The following AVL9 variants were observed in gnomAD, a reference collection of about 807,000 sequenced individuals.
AVL9 encodes AVL9 cell migration associated, also known as late secretory pathway protein AVL9 homolog.
A neutral mutation model predicts 79.2 loss-of-function variants in AVL9; 49 were observed. That is an observed-to-expected ratio of 0.62 (90% CI 0.49 to 0.79). AVL9 has a LOEUF of 0.79. Among genes scored for constraint, AVL9 ranks in the 30% least tolerant of loss-of-function variants. AVL9 has a pLI of 0.00. For missense variants in AVL9, 682 were observed against 776.8 expected (o/e 0.88, Z 1.45); for synonymous variants, 299 against 280.6 (o/e 1.07, Z -0.65).
intron 3 of AVL9, among the ~76,000 whole-genome samples, chr7:32,548,151 C>CTTTTGTTTTCTTTTTTTTTTTT (rs71559236): frequency 5.3e-5 from 7 of 131,596 alleles, no homozygotes; most frequent in African/African-American, 1.8e-4. Flanking sequence ...TCTCTTTTTT[C>CTTTTGTTTTCTTTTTTTTTTTT]TTTTTTTTTT....
intron 1 of AVL9, among the ~76,000 whole-genome samples, chr7:32,539,731 A>G (rs1405113126): frequency 1.3e-5 from 2 of 152,326 alleles, no homozygotes; most frequent in East Asian, 3.9e-4. Context: ...GAATTCCGAA[A>G]TGGGTTTCAC....
At chr7:32,574,156 A>C (rs1037262505) in intron 12 of AVL9, among the ~76,000 whole-genome samples, 1 of 152,132 alleles carries the variant, frequency 6.6e-6, no homozygotes, top group Non-Finnish European at 1.5e-5. Context: ...CATAGCATAA[A>C]ATTTACCATC....
rs1583619528 is a variant in AVL9 at position 32,584,243 on chromosome 7, T to A, written c.*336T>A. 1 of 270,046 alleles carries A rather than the reference T, an allele frequency of 3.7e-6. No individual in the cohort carries two copies. Among genetic ancestry groups the A allele is most frequent in the South Asian group, 5.0e-5 (1 of 19,902 alleles). 16.7% of individuals were successfully genotyped at this position (270,046 alleles called of 1,614,324 possible). A position where few individuals can be genotyped will look rare whatever the true frequency, so the allele number is the denominator to read the frequency against. On this transcript the variant is annotated 3_prime_UTR_variant, in exon 16 of 16. Transcript: ENST00000318709. ...TTTACTTATGTAAATTTTGTTCTGT[T>A]TTGGTGTTTGAATATCTAGATGGTC...
chr7:32,553,624 T>A (rs1442601732), intron 6 of AVL9, 103 bp from the exon 7 acceptor site: 3 of 105,632 alleles, frequency 2.8e-5, no homozygotes. Flanking sequence ...TATTCCTACT[T>A]TTTTTTTTTT....
intron 1 of AVL9, among the ~76,000 whole-genome samples, chr7:32,497,255 T>G (rs891568275): frequency 6.6e-6 from 1 of 152,202 alleles, no homozygotes; most frequent in African/African-American, 2.4e-5. Context: ...CTTGGGAGGC[T>G]GAGGCACGAG....
Position 32,580,205 on chromosome 7 carries a change from A to C in AVL9, c.1689-14A>C. ...GTAAAATACTGATAGTTTAAACTCAAACTTTTTTTACAGCCATCCATTTCA... is the reference window on the plus strand; with the variant it reads ...GTAAAATACTGATAGTTTAAACTCACACTTTTTTTACAGCCATCCATTTCA... On this transcript the variant is annotated splice_polypyrimidine_tract_variant and intron_variant, in intron 13 of 15. Transcript: ENST00000318709. 2 of 1,608,196 alleles carry C rather than the reference A, an allele frequency of 1.2e-6. No homozygotes were observed. The highest frequency in any genetic ancestry group is 2.2e-5 in the South Asian group (2 of 90,090).
At chr7:32,527,191 G>A (rs1030337529) in intron 1 of AVL9, among the ~76,000 whole-genome samples, 1 of 152,104 alleles carries the variant, frequency 6.6e-6, no homozygotes, top group East Asian at 1.9e-4. Context: ...GAGCTATTGT[G>A]TGGCACCTTT....
intron 1 of AVL9, among the ~76,000 whole-genome samples, chr7:32,528,290 A>G (rs965183557): frequency 1.3e-5 from 2 of 152,208 alleles, no homozygotes; most frequent in Non-Finnish European, 2.9e-5. Flanking sequence ...TAAAATGTAT[A>G]AAAGCAAGCT....
chr7:32,502,277 A>G (rs1787159950), intron 1 of AVL9, among the ~76,000 whole-genome samples: 1 of 151,582 alleles, frequency 6.6e-6, no homozygotes, highest in Admixed American at 6.6e-5. Context: ...GTGTGAGTGC[A>G]CTGGTCACAA....
intron 1 of AVL9, chr7:32,533,441 A>C (rs921842536): frequency 2.0e-5 from 3 of 152,230 alleles, no homozygotes; most frequent in Non-Finnish European, 2.9e-5. Flanking sequence ...GAGGTATAGG[A>C]GTGTAAAGCG....
intron 1 of AVL9, among the ~76,000 whole-genome samples, chr7:32,522,715 G>A (rs951154924): frequency 6.6e-6 from 1 of 152,112 alleles, no homozygotes; most frequent in African/African-American, 2.4e-5. Flanking sequence ...ATGAAATTTG[G>A]AGGGCGCAGG....
chr7:32,520,676 C>G (rs1760659936), intron 1 of AVL9, among the ~76,000 whole-genome samples: 1 of 152,158 alleles, frequency 6.6e-6, no homozygotes, highest in Non-Finnish European at 1.5e-5. Context: ...ATGCCTATAA[C>G]CCAGGTCATG....
chr7:32,527,062 C>T (rs971909382), intron 1 of AVL9, among the ~76,000 whole-genome samples: 2 of 152,130 alleles, frequency 1.3e-5, no homozygotes, highest in East Asian at 1.9e-4. Context: ...GAGAAGTGGG[C>T]GTGTGAGATT....
In AVL9 at chr7:32,583,920, AG is replaced by A. The variant is rs754619876; in HGVS notation, c.*15del. On this transcript the variant is annotated 3_prime_UTR_variant, in exon 16 of 16. Coordinates refer to ENST00000318709, the MANE Select transcript of AVL9 (RefSeq NM_015060.3). Reference sequence around the variant, plus strand: ...TGAGAAGCCTTGAGCAAGGCGTCAGAGGCTGCTATTGCTTTCTGAGGTTTAA... The same window carrying A: ...TGAGAAGCCTTGAGCAAGGCGTCAGAGCTGCTATTGCTTTCTGAGGTTTAA... 25 of 1,590,600 alleles carry A rather than the reference AG, an allele frequency of 1.6e-5. No homozygotes were observed. Among genetic ancestry groups the A allele is most frequent in the Admixed American group, 5.0e-5 (3 of 59,962 alleles).
At chr7:32,576,299 G>A (rs1279492563) in intron 13 of AVL9, among the ~76,000 whole-genome samples, 2 of 152,256 alleles carry the variant, frequency 1.3e-5, no homozygotes, top group Non-Finnish European at 2.9e-5. Flanking sequence ...CATTTCCCTG[G>A]CTCTCGATGT....
At chr7:32,500,575 C>T (rs1787081221) in intron 1 of AVL9, among the ~76,000 whole-genome samples, 1 of 151,774 alleles carries the variant, frequency 6.6e-6, no homozygotes, top group South Asian at 2.1e-4. Flanking sequence ...TTAATTAGAG[C>T]TCTTTAGTTT....
chr7:32,543,003 C>T, intron 1 of AVL9, 138 bp from the exon 2 acceptor site: 1 of 1,057,120 alleles, frequency 9.5e-7, no homozygotes, highest in East Asian at 2.5e-5. Flanking sequence ...CATAGGTTTG[C>T]TGATGATATC....
At chr7:32,536,042 CTG>C (rs1419189500) in intron 1 of AVL9, 1 of 152,244 alleles carries the variant, frequency 6.6e-6, no homozygotes, top group African/African-American at 2.4e-5. Context: ...CATTACAGAA[CTG>C]TGAGTTAATT....
At chr7:32,523,417 T>C (rs1169157802) in intron 1 of AVL9, among the ~76,000 whole-genome samples, 1 of 151,910 alleles carries the variant, frequency 6.6e-6, no homozygotes, top group African/African-American at 2.4e-5. Flanking sequence ...CTAAACTTTT[T>C]TTAACCAGGT....
Sources: gnomAD v4.1 joint callset for allele counts (sites outside exome capture counted in the v4.1 genomes callset) on GRCh38, gnomAD v4.1.1 for gene constraint, MANE v1.5 for transcripts, NCBI Gene and HGNC (gene_info 2026-07-23, HGNC 2026-07-21) for gene names.